EPB41L4A: variants seen among roughly 807,000 people sequenced by gnomAD.
The protein encoded by EPB41L4A is erythrocyte membrane protein band 4.1 like 4A, also known as band 4.1-like protein 4A.
Under a neutral mutation model 108.6 loss-of-function variants are expected in EPB41L4A, and 100 were observed. The observed-to-expected ratio is 0.92, with a 90% CI of 0.78 to 1.09. EPB41L4A has a LOEUF of 1.09. EPB41L4A is among the 50% of genes least tolerant of loss of function. EPB41L4A has a pLI of 0.00. For synonymous variants in EPB41L4A, 319 were observed against 289.0 expected (o/e 1.10, Z -1.05); for missense variants, 1,030 against 842.7 (o/e 1.22, Z -2.75).
At chr5:112,411,545 T>C (rs10068974) in intron 1 of EPB41L4A, among the ~76,000 whole-genome samples, 8,388 of 152,096 alleles carry the variant, frequency 0.055, 715 homozygotes, top group African/African-American at 0.18. Flanking sequence ...GTACCTAAAA[T>C]TCTTTCCTCA....
intron 1 of EPB41L4A, among the ~76,000 whole-genome samples, chr5:112,348,619 A>C (rs1333198633): frequency 6.6e-6 from 1 of 152,180 alleles, no homozygotes; most frequent in Non-Finnish European, 1.5e-5. Context: ...CTGCAAAGTA[A>C]GGCACTTCAG....
intron 18 of EPB41L4A, chr5:112,183,453 A>G (rs1298702341): frequency 6.5e-6 from 1 of 153,646 alleles, no homozygotes; most frequent in Non-Finnish European, 1.4e-5. Flanking sequence ...ACACGCACAG[A>G]AACTTTACCA....
chr5:112,304,569 G>C (rs977016904), intron 2 of EPB41L4A, among the ~76,000 whole-genome samples: 23 of 152,316 alleles, frequency 1.5e-4, no homozygotes, highest in East Asian at 1.9e-4. Context: ...ACTGCTTTCA[G>C]TATCAACAAA....
In EPB41L4A at chr5:112,204,462, C is replaced by G. The variant is rs750489592; in HGVS notation, c.1289G>C (p.Arg430Pro). 13 of 1,612,906 alleles carry G rather than the reference C, an allele frequency of 8.1e-6. No homozygotes were observed. In the South Asian group the frequency reaches 1.4e-4, roughly 18 times the overall value. Residue 430 changes from arginine (R) to proline (P), a missense_variant, in exon 15 of 23, where the codon CGC becomes CCC. Physicochemically the swap from Arg to Pro is moderately radical, Grantham distance 103. Coordinates refer to ENST00000261486, the MANE Select transcript of EPB41L4A (RefSeq NM_022140.5). ...QSGLYNSPSD[R>P]TKSPKFPYTR... is the part of the protein sequence containing the mutation. Reference sequence around the variant, plus strand: ...GTAAGGGAACTTTGGCGACTTAGTGCGATCACTGGGAGAATTGTAGAGTCC... The same window carrying G: ...GTAAGGGAACTTTGGCGACTTAGTGGGATCACTGGGAGAATTGTAGAGTCC...
intron 1 of EPB41L4A, among the ~76,000 whole-genome samples, chr5:112,339,455 G>C (rs907462469): frequency 5.9e-5 from 8 of 135,586 alleles, no homozygotes; most frequent in African/African-American, 2.0e-4. Flanking sequence ...GAGATATATA[G>C]CTATAGATAT....
At chr5:112,143,801 G>A (rs1271679839) in exon 14 of EPB41L4A, 3 of 448,252 alleles carry the variant, frequency 6.7e-6, no homozygotes, top group South Asian at 3.2e-5. Context: ...ACCAACCACA[G>A]CAGCCAAGGA....
chr5:112,311,597 T>TC (rs1191901447), intron 1 of EPB41L4A, among the ~76,000 whole-genome samples: 1 of 152,212 alleles, frequency 6.6e-6, no homozygotes. Context: ...GGTTTACACC[T>TC]CCAATTGTTT....
intron 17 of EPB41L4A, among the ~76,000 whole-genome samples, chr5:112,187,279 T>C (rs1561459549): frequency 6.6e-6 from 1 of 152,230 alleles, no homozygotes; most frequent in Non-Finnish European, 1.5e-5. Context: ...CCAATAAGTC[T>C]ACATTTATCC....
At chr5:112,183,939 C>A in intron 18 of EPB41L4A, 77 bp downstream of exon 18, 1 of 1,564,394 alleles carries the variant, frequency 6.4e-7, no homozygotes. Context: ...AACTAAAACA[C>A]TTTAGAAGAC....
intron 1 of EPB41L4A, among the ~76,000 whole-genome samples, chr5:112,346,215 CATTTTTT>C (rs1450576663): frequency 1.0e-4 from 5 of 49,040 alleles, no homozygotes; most frequent in African/African-American, 2.3e-4. Context: ...AGGTACATTG[CATTTTTT>C]TTTTTTTTTT....
chr5:112,329,995 T>A (rs1276024105), intron 1 of EPB41L4A, among the ~76,000 whole-genome samples: 1 of 152,190 alleles, frequency 6.6e-6, no homozygotes, highest in African/African-American at 2.4e-5. Flanking sequence ...AACAAATTAA[T>A]AATATCTGCC....
intron 2 of EPB41L4A, among the ~76,000 whole-genome samples, chr5:112,294,035 G>A (rs1049082697): frequency 1.3e-5 from 2 of 152,080 alleles, no homozygotes; most frequent in Non-Finnish European, 2.9e-5. Flanking sequence ...CATATAATAT[G>A]CCTCCTTTTA....
At chr5:112,378,560 A>C (rs1371337723) in intron 1 of EPB41L4A, among the ~76,000 whole-genome samples, 3 of 152,214 alleles carry the variant, frequency 2.0e-5, no homozygotes, top group African/African-American at 4.8e-5. Flanking sequence ...CAAAATTTGT[A>C]ACACAGAGAA....
At chr5:112,345,841 C>A (rs1489534895) in intron 1 of EPB41L4A, among the ~76,000 whole-genome samples, 1 of 151,004 alleles carries the variant, frequency 6.6e-6, no homozygotes, top group African/African-American at 2.4e-5. Context: ...AAAGCCCCAG[C>A]AACCTGGGAT....
intron 12 of EPB41L4A, among the ~76,000 whole-genome samples, chr5:112,223,576 G>C (rs1000147492): frequency 6.6e-6 from 1 of 152,112 alleles, no homozygotes; most frequent in Non-Finnish European, 1.5e-5. Context: ...AAGAACAGGA[G>C]GGGTAAAAAA....
At chr5:112,280,147 T>C (rs1457161920) in intron 3 of EPB41L4A, 125 bp downstream of exon 3, 6 of 787,864 alleles carry the variant, frequency 7.6e-6, no homozygotes, top group Non-Finnish European at 1.4e-5. Flanking sequence ...TCCCATATTC[T>C]GGTACTCAAG....
chr5:112,204,286 T>A (rs1239069454), intron 15 of EPB41L4A, 89 bp downstream of exon 15: 1 of 757,850 alleles, frequency 1.3e-6, no homozygotes, highest in Non-Finnish European at 2.3e-6. Context: ...AACAGTAATG[T>A]CGGTATAAGA....
intron 12 of EPB41L4A, among the ~76,000 whole-genome samples, chr5:112,227,262 C>G (rs1407921756): frequency 1.3e-5 from 2 of 152,176 alleles, no homozygotes; most frequent in Non-Finnish European, 2.9e-5. Flanking sequence ...CCTTACCCCT[C>G]ACTCTCAAAA....
At chr5:112,372,298 T>C (rs1488443895) in intron 1 of EPB41L4A, among the ~76,000 whole-genome samples, 2 of 152,036 alleles carry the variant, frequency 1.3e-5, no homozygotes, top group Admixed American at 1.3e-4. Flanking sequence ...AACCATCAGA[T>C]TTCATGAAAA....
Sources: gnomAD v4.1 joint callset for allele counts (sites outside exome capture counted in the v4.1 genomes callset) on GRCh38, gnomAD v4.1.1 for gene constraint, MANE v1.5 for transcripts, NCBI Gene and HGNC (gene_info 2026-07-23, HGNC 2026-07-21) for gene names.